Variants in LPAR1 observed in about 807,000 individuals in gnomAD.
LPAR1 encodes the protein lysophosphatidic acid receptor 1.
LPAR1 carries 5 observed loss-of-function variants against 23.8 expected under a neutral mutation model. That is an observed-to-expected ratio of 0.21 (90% CI 0.11 to 0.44). LPAR1 has a LOEUF of 0.44. LPAR1 is among the 20% of genes least tolerant of loss of function. The pLI is 0.99. For missense variants in LPAR1, 311 were observed against 482.8 expected, an observed-to-expected ratio of 0.64 and a Z score of 3.33; for synonymous variants, 160 against 164.7, an observed-to-expected ratio of 0.97 and a Z score of 0.22.
chr9:111,029,422 A>G (rs1486316134), intron 2 of LPAR1, among the ~76,000 whole-genome samples: 1 of 151,828 alleles, frequency 6.6e-6, no homozygotes, highest in Admixed American at 6.6e-5. Context: ...TTCTACCTCC[A>G]CAAGCTTCGA....
At chr9:110,985,526 T>C (rs1028725556) in intron 2 of LPAR1, among the ~76,000 whole-genome samples, 7 of 152,062 alleles carry the variant, frequency 4.6e-5, no homozygotes, top group African/African-American at 1.4e-4. Flanking sequence ...ATTAACACAA[T>C]TGCGCCTTTT....
Position 110,956,015 on chromosome 9 carries a change from C to G in LPAR1, c.46-13847G>C, listed in dbSNP as rs183737657. Among the ~76,000 whole-genome samples the G allele has an allele frequency of 1.2e-4, 18 of 151,782 alleles. No individual in the cohort carries two copies. In the East Asian group the frequency reaches 3.5e-3, roughly 29 times the overall value. On this transcript the variant is annotated intron_variant, in intron 4 of 5. Coordinates refer to ENST00000683809, the MANE Select transcript of LPAR1 (RefSeq NM_001351411.2). ...AAAACTAGAAAAGAACAAAATCAAG[C>G]CCCAAATAAATAGAAGAAAAAAAAT...
intron 2 of LPAR1, among the ~76,000 whole-genome samples, chr9:110,980,004 C>T (rs1177465818): frequency 6.6e-6 from 1 of 151,874 alleles, no homozygotes; most frequent in South Asian, 2.1e-4. Context: ...TTAAATAGAA[C>T]AAAAAATTTG....
intron 4 of LPAR1, among the ~76,000 whole-genome samples, chr9:110,954,021 G>T (rs1357470465): frequency 6.6e-6 from 1 of 151,998 alleles, no homozygotes; most frequent in Non-Finnish European, 1.5e-5. Context: ...TTAAAAAATA[G>T]TGAATTATAA....
intron 5 of LPAR1, among the ~76,000 whole-genome samples, chr9:110,887,018 A>G (rs1481825115): frequency 6.6e-6 from 1 of 152,200 alleles, no homozygotes; most frequent in Non-Finnish European, 1.5e-5. Flanking sequence ...CAGGAAGTTT[A>G]TAATTGGTTT....
chr9:110,913,904 T>C (rs2134553833), intron 5 of LPAR1, among the ~76,000 whole-genome samples: 2 of 152,352 alleles, frequency 1.3e-5, no homozygotes, highest in Non-Finnish European at 2.9e-5. Flanking sequence ...GGGTGCCTGC[T>C]ATATTTTTCC....
intron 5 of LPAR1, among the ~76,000 whole-genome samples, chr9:110,902,427 G>A (rs1253793216): frequency 1.3e-5 from 2 of 152,076 alleles, no homozygotes; most frequent in Non-Finnish European, 2.9e-5. Context: ...GGGTTTATAA[G>A]GGGCTTTTCC....
chr9:111,036,327 A>G (rs2097893237), intron 1 of LPAR1, 126 bp from the exon 2 acceptor site: 7 of 151,994 alleles, frequency 4.6e-5, no homozygotes, highest in Admixed American at 4.6e-4. Flanking sequence ...TAAAGGTAAC[A>G]AGAGATTGAT....
chr9:111,022,821 C>T (rs908452346), intron 2 of LPAR1, among the ~76,000 whole-genome samples: 1 of 151,886 alleles, frequency 6.6e-6, no homozygotes, highest in Non-Finnish European at 1.5e-5. Context: ...GAGGCCAAGG[C>T]GGGCGGATTA....
At chr9:110,984,348 C>T (rs1247744210) in intron 2 of LPAR1, among the ~76,000 whole-genome samples, 1 of 152,018 alleles carries the variant, frequency 6.6e-6, no homozygotes, top group Non-Finnish European at 1.5e-5. Flanking sequence ...CTGTGACTAG[C>T]TTACTTCACT....
intron 2 of LPAR1, among the ~76,000 whole-genome samples, chr9:110,977,824 G>GA (rs1588651189): frequency 2.4e-5 from 3 of 124,026 alleles, no homozygotes; most frequent in African/African-American, 9.9e-5. Context: ...GGGAGGGCGG[G>GA]AGGGAGGGAG....
intron 5 of LPAR1, among the ~76,000 whole-genome samples, chr9:110,887,316 G>C (rs562869937): frequency 5.3e-4 from 81 of 151,824 alleles, no homozygotes; most frequent in African/African-American, 1.8e-3. Context: ...AAAACTTTGT[G>C]AATTATTTAC....
rs1033952805 is a variant in LPAR1 at position 110,959,781 on chromosome 9, T to C, written c.45+12292A>G. Among the ~76,000 whole-genome samples the C allele has an allele frequency of 6.6e-5, 10 of 152,242 alleles. No individual in the cohort carries two copies. In the East Asian group the frequency reaches 1.4e-3, roughly 21 times the overall value. On this transcript the variant is annotated intron_variant, in intron 4 of 5. Coordinates refer to ENST00000683809, the MANE Select transcript of LPAR1 (RefSeq NM_001351411.2). ...AATTAATGAATGGATAAAGAAAATGTGGTATATATACACAATGGGATACTA... is the reference window on the plus strand; with the variant it reads ...AATTAATGAATGGATAAAGAAAATGCGGTATATATACACAATGGGATACTA...
intron 2 of LPAR1, among the ~76,000 whole-genome samples, chr9:111,000,359 T>C (rs1405352383): frequency 1.3e-5 from 2 of 152,190 alleles, no homozygotes; most frequent in Non-Finnish European, 2.9e-5. Context: ...TAGTATTGAC[T>C]TGTGACTAGG....
chr9:110,959,170 CAAA>C (rs1186318362), intron 4 of LPAR1, among the ~76,000 whole-genome samples: 1 of 81,176 alleles, frequency 1.2e-5, no homozygotes, highest in African/African-American at 5.2e-5. Flanking sequence ...GATGTCTCTA[CAAA>C]AAAAAAAAAA....
At chr9:111,006,338 G>A (rs774634463) in intron 2 of LPAR1, among the ~76,000 whole-genome samples, 1 of 152,110 alleles carries the variant, frequency 6.6e-6, no homozygotes, top group Non-Finnish European at 1.5e-5. Flanking sequence ...CATTCCCAAT[G>A]GCCATTAGGA....
intron 4 of LPAR1, among the ~76,000 whole-genome samples, chr9:110,947,856 G>A (rs1001560811): frequency 6.6e-6 from 1 of 152,208 alleles, no homozygotes; most frequent in Non-Finnish European, 1.5e-5. Context: ...ATGTAAATAT[G>A]TACTCTACTG....
In LPAR1 at chr9:110,972,055, C is replaced by T. The variant is rs370489370; in HGVS notation, c.45+18G>A. On this transcript the variant is annotated intron_variant, in intron 4 of 5. Transcript: ENST00000683809. ...AACTTACGATTACCTCAGACCTCTG[C>T]TAGTTTGAAGCCCTTACCTGGGGCT... 4.1e-5 allele frequency: 66 copies of T among 1,610,542 alleles called. No individual in the cohort carries two copies. In the African/African-American group the frequency reaches 8.5e-4, roughly 21 times the overall value.
upstream of LPAR1, chr9:111,038,662 G>A (rs919924487): frequency 4.4e-6 from 2 of 454,204 alleles, no homozygotes; most frequent in Non-Finnish European, 8.9e-6. The surrounding 1 kb of genome is among the most constrained non-coding windows in gnomAD (Gnocchi z 4.4). Flanking sequence ...CTGGTGTGGC[G>A]CCCCCAGCGC....
Sources: allele counts gnomAD v4.1 joint callset (sites outside exome capture counted in the v4.1 genomes callset), GRCh38; gene constraint gnomAD v4.1.1; non-coding constraint Gnocchi (gnomAD v3.1); transcripts MANE v1.5; gene names NCBI Gene and HGNC (gene_info 2026-07-23, HGNC 2026-07-21).